LDB3: variants seen among roughly 807,000 people sequenced by gnomAD.
LDB3 encodes LIM domain-binding protein 3.
Under a neutral mutation model 69.0 loss-of-function variants are expected in LDB3, and 49 were observed. The ratio of observed to expected loss-of-function variants is 0.71; its 90% CI spans 0.56 to 0.90. The LOEUF (loss-of-function observed/expected upper bound fraction) is 0.90. Among genes scored for constraint, LDB3 ranks in the 40% least tolerant of loss-of-function variants. The pLI is 0.00. For synonymous variants in LDB3, 387 were observed against 396.2 expected (o/e 0.98, Z 0.28); for missense variants, 928 against 974.1 (o/e 0.95, Z 0.63).
chr10:86,710,128 C>A, intron 9 of LDB3, 78 bp downstream of exon 9: 3 of 1,579,152 alleles, frequency 1.9e-6, no homozygotes, highest in Non-Finnish European at 1.7e-6. Context: ...AGAAGTGGCT[C>A]TGGGGGCACA....
chr10:86,691,920 C>A lies in LDB3; in HGVS notation c.714C>A (p.Ala238=), dbSNP rs727503125. 1.9e-6 allele frequency: 3 copies of A among 1,614,160 alleles called. No homozygotes were observed. Among genetic ancestry groups the A allele is most frequent in the African/African-American group, 1.3e-5 (1 of 75,052 alleles). ...PGGSLPIKDL[A]VDSASPVYQA... is the part of the protein sequence containing the mutation. ...GGAGCCTCCCTATTAAGGACCTTGC[C>A]GTAGACAGCGCCTCTCCCGTCTACC... Residue 238 remains alanine (A), a synonymous_variant, in exon 6 of 14, where the codon GCC becomes GCA. Coordinates refer to ENST00000361373, the MANE Select transcript of LDB3 (RefSeq NM_007078.3).
Position 86,716,534 on chromosome 10 carries a change from G to A in LDB3, c.1439G>A (p.Gly480Asp), listed in dbSNP as rs184240743. Residue 480 changes from glycine to aspartate, a missense_variant, in exon 10 of 14, where the codon GGC becomes GAC. Physicochemically the swap from Gly to Asp is moderately conservative, Grantham distance 94. Coordinates refer to ENST00000361373, the MANE Select transcript of LDB3 (RefSeq NM_007078.3). ...GCACCCTCGGTGGCCTACAGCGGGG[G>A]CCCTGCGGAGCCTGCCAGCCGTCCA... ...NPAPSVAYSG[G>D]PAEPASRPPW... The A allele has an allele frequency of 1.9e-6, 3 of 1,613,224 alleles. No homozygotes were observed. Among genetic ancestry groups the A allele is most frequent in the African/African-American group, 2.7e-5 (2 of 74,700 alleles).
intron 12 of LDB3, among the ~76,000 whole-genome samples, chr10:86,723,268 TAAAAAAAA>T (rs56259917): frequency 4.1e-5 from 2 of 49,108 alleles, no homozygotes; most frequent in African/African-American, 8.3e-5. Flanking sequence ...AGACTCAATC[TAAAAAAAA>T]AAAAAAAAAA....
intron 7 of LDB3, among the ~76,000 whole-genome samples, chr10:86,697,419 C>T (rs1218575367): frequency 5.3e-5 from 8 of 151,472 alleles, no homozygotes; most frequent in African/African-American, 1.9e-4. Flanking sequence ...TGGGGTTTCA[C>T]CATATTGGCC....
chr10:86,705,867 C>A (rs186346655), intron 7 of LDB3, among the ~76,000 whole-genome samples: 14 of 152,360 alleles, frequency 9.2e-5, no homozygotes, highest in Admixed American at 2.0e-4. Flanking sequence ...GCATGGGGAA[C>A]CCTGGGGTCC....
At chr10:86,730,398 A>G (rs1430808346) in intron 13 of LDB3, among the ~76,000 whole-genome samples, 1 of 151,040 alleles carries the variant, frequency 6.6e-6, no homozygotes, top group Non-Finnish European at 1.5e-5. Context: ...ATGCCAGCCA[A>G]TGTGATTTCC....
In LDB3 at chr10:86,720,793, C is replaced by T. The variant is rs191076860; in HGVS notation, c.1978+1946C>T. On this transcript the variant is annotated intron_variant, in intron 12 of 13. Transcript: ENST00000361373. Reference sequence around the variant, plus strand: ...CTGCCCCTCATCATAGCAACTCCCCCGAAAAGATTCTCAAAAATGATGTTT... The same window carrying T: ...CTGCCCCTCATCATAGCAACTCCCCTGAAAAGATTCTCAAAAATGATGTTT... 1.3e-4 allele frequency among the ~76,000 whole-genome samples: 20 copies of T among 152,208 alleles called. No homozygotes were observed. In the East Asian group the frequency reaches 3.5e-3, roughly 26 times the overall value.
chr10:86,680,305 C>A, intron 4 of LDB3, 148 bp downstream of exon 4: 1 of 733,704 alleles, frequency 1.4e-6, no homozygotes, highest in South Asian at 1.6e-5. Context: ...GCAGCTGACC[C>A]TGGGGAAGTG....
At chr10:86,718,639 G>A in intron 11 of LDB3, 88 bp from the exon 12 acceptor site, 14 of 1,572,712 alleles carry the variant, frequency 8.9e-6, no homozygotes, top group African/African-American at 1.3e-5. Flanking sequence ...TCCCTGGTAG[G>A]ATGCTCGGGC....
In LDB3 at chr10:86,716,700, C is replaced by A. The variant is rs727505207; in HGVS notation, c.1605C>A (p.Thr535=). ...AGGTGCCACCACTTGCCAGGGGGAC[C>A]GTCCAGAGGGCTGAGCGATTCCCAG... The part of the protein sequence containing the change: ...GPQVPPLARG[T]VQRAERFPAS... The change falls in exon 10 of 14, where the codon ACC becomes ACA. Residue 535 remains threonine (T), a synonymous_variant. Transcript: ENST00000361373. The A allele has an allele frequency of 2.5e-6, 4 of 1,613,718 alleles. No individual in the cohort carries two copies. Among genetic ancestry groups the A allele is most frequent in the Non-Finnish European group, 3.4e-6 (4 of 1,179,982 alleles).
rs114368565 is a variant in LDB3 at position 86,709,504 on chromosome 10, T to C, written c.1086-401T>C. Among the ~76,000 whole-genome samples the C allele has an allele frequency of 5.2e-3, 797 of 152,210 alleles. 6 individuals are homozygous for C. The highest frequency in any genetic ancestry group is 0.018 in the African/African-American group (765 of 41,536). On this transcript the variant is annotated intron_variant, in intron 8 of 13. Coordinates refer to ENST00000361373, the MANE Select transcript of LDB3 (RefSeq NM_007078.3). Reference sequence around the variant, plus strand: ...TCCTTCCAGCAACAATAGAAAAGGGTAGGCAGAAGAGGCCAGGTGGTCAGG... The same window carrying C: ...TCCTTCCAGCAACAATAGAAAAGGGCAGGCAGAAGAGGCCAGGTGGTCAGG...
At chr10:86,724,424 G>GA (rs1847186102) in intron 12 of LDB3, among the ~76,000 whole-genome samples, 1 of 151,850 alleles carries the variant, frequency 6.6e-6, no homozygotes. Context: ...CCAACATGGT[G>GA]AAGCCCCATC....
At chr10:86,698,716 G>C (rs1347722978) in intron 7 of LDB3, among the ~76,000 whole-genome samples, 1 of 152,110 alleles carries the variant, frequency 6.6e-6, no homozygotes, top group East Asian at 1.9e-4. Context: ...GGCAGGGGCT[G>C]TGTGCAAAAT....
intron 7 of LDB3, among the ~76,000 whole-genome samples, chr10:86,703,349 A>G (rs1846331410): frequency 6.6e-6 from 1 of 152,212 alleles, no homozygotes; most frequent in Non-Finnish European, 1.5e-5. Context: ...TACTTCTCTG[A>G]GGCAGTCACA....
At chr10:86,671,695 C>T (rs1844487105) in intron 2 of LDB3, among the ~76,000 whole-genome samples, 1 of 152,218 alleles carries the variant, frequency 6.6e-6, no homozygotes, top group Admixed American at 6.5e-5. Flanking sequence ...GGTCTCACCT[C>T]TTCATGCCTC....
At chr10:86,671,466 C>T (rs1189754936) in intron 2 of LDB3, among the ~76,000 whole-genome samples, 1 of 152,154 alleles carries the variant, frequency 6.6e-6, no homozygotes, top group African/African-American at 2.4e-5. Flanking sequence ...TGCAGACCCA[C>T]AGAGAAGGGA....
At chr10:86,726,064 T>TG (rs1174095546) in intron 12 of LDB3, 73 bp from the exon 13 acceptor site, 1 of 974,120 alleles carries the variant, frequency 1.0e-6, no homozygotes. Context: ...CCCACTGATT[T>TG]GGGGTTTGTC....
intron 5 of LDB3, among the ~76,000 whole-genome samples, chr10:86,684,086 G>A (rs565914548): frequency 3.9e-5 from 6 of 152,326 alleles, no homozygotes; most frequent in East Asian, 1.9e-4. Flanking sequence ...TTGGCACCTC[G>A]TATCCTCTTG....
chr10:86,688,535 C>A (rs545320776), intron 5 of LDB3, among the ~76,000 whole-genome samples: 1 of 152,178 alleles, frequency 6.6e-6, no homozygotes. Context: ...AAGTCAAACT[C>A]CCAAGGCTCA....
Sources: gnomAD v4.1 joint callset for allele counts (sites outside exome capture counted in the v4.1 genomes callset) on GRCh38, gnomAD v4.1.1 for gene constraint, MANE v1.5 for transcripts, NCBI Gene and HGNC (gene_info 2026-07-23, HGNC 2026-07-21) for gene names.